Variants in GPHN observed in about 807,000 individuals in gnomAD.
GPHN encodes gephyrin.
GPHN carries 17 observed loss-of-function variants against 95.5 expected under a neutral mutation model. The ratio of observed to expected loss-of-function variants is 0.18; its 90% CI spans 0.12 to 0.27. GPHN has a LOEUF of 0.27. Among genes scored for constraint, GPHN ranks in the 10% least tolerant of loss-of-function variants. GPHN has a pLI of 1.00. For synonymous variants in GPHN, 320 were observed against 322.5 expected, an observed-to-expected ratio of 0.99 and a Z score of 0.08; for missense variants, 660 against 978.1, an observed-to-expected ratio of 0.67 and a Z score of 4.34.
the GPHN span, among the ~76,000 whole-genome samples, chr14:67,214,760 G>A: frequency 2.6e-5 from 4 of 152,070 alleles, no homozygotes; most frequent in Non-Finnish European, 4.4e-5. Context: ...CTTGGGCAGT[G>A]TGGCCATTTT....
the GPHN span, among the ~76,000 whole-genome samples, chr14:67,408,471 T>C: frequency 6.6e-6 from 1 of 152,046 alleles, no homozygotes; most frequent in African/African-American, 2.4e-5. Context: ...TATTTGAAAA[T>C]AGGGTCTTTG....
chr14:66,694,056 T>G (rs1472272624), intron 2 of GPHN, among the ~76,000 whole-genome samples: 3 of 152,132 alleles, frequency 2.0e-5, no homozygotes, highest in African/African-American at 7.2e-5. Context: ...TAAATATAGT[T>G]GCTGTGGTCT....
intron 1 of GPHN, among the ~76,000 whole-genome samples, chr14:66,663,403 A>G (rs768784696): frequency 1.3e-5 from 2 of 152,186 alleles, no homozygotes; most frequent in Non-Finnish European, 2.9e-5. Flanking sequence ...GAGAAATAAG[A>G]TACTTTCCAG....
At chr14:66,897,424 C>T (rs1246898764) in intron 5 of GPHN, among the ~76,000 whole-genome samples, 1 of 152,024 alleles carries the variant, frequency 6.6e-6, no homozygotes, top group Non-Finnish European at 1.5e-5. Flanking sequence ...TACTGCTCTC[C>T]ATAGTGGCTG....
chr14:67,011,027 C>T (rs1376865728), intron 9 of GPHN, among the ~76,000 whole-genome samples: 1 of 151,964 alleles, frequency 6.6e-6, no homozygotes, highest in African/African-American at 2.4e-5. Context: ...GTATTGAAAG[C>T]CTAATGTAAA....
chr14:67,012,233 G>A (rs2073055265), intron 9 of GPHN, among the ~76,000 whole-genome samples: 2 of 152,170 alleles, frequency 1.3e-5, no homozygotes, highest in South Asian at 4.1e-4. Flanking sequence ...AGATTTAACA[G>A]TCAGGAGAAT....
At chr14:67,547,834 AAGC>A in the GPHN span, among the ~76,000 whole-genome samples, 1 of 152,230 alleles carries the variant, frequency 6.6e-6, no homozygotes, top group East Asian at 1.9e-4. Context: ...TTTTTTAAAA[AAGC>A]AGAAACATCA....
chr14:67,066,871 G>A (rs1192419503), intron 11 of GPHN, among the ~76,000 whole-genome samples: 1 of 152,178 alleles, frequency 6.6e-6, no homozygotes, highest in East Asian at 1.9e-4. Context: ...TGATGGGTTA[G>A]AACATGCTCC....
the GPHN span, chr14:67,587,169 G>A: frequency 1.2e-6 from 2 of 1,613,920 alleles, no homozygotes; most frequent in East Asian, 2.2e-5. Flanking sequence ...GCCAGCTGTG[G>A]GAACTGGATG....
the GPHN span, chr14:67,619,922 T>G: frequency 1.6e-6 from 2 of 1,248,840 alleles, no homozygotes; most frequent in South Asian, 3.0e-5. Context: ...TGGCGCTCAC[T>G]CCCGGCTTCC....
At chr14:67,608,245 A>C in the GPHN span, among the ~76,000 whole-genome samples, 1 of 152,164 alleles carries the variant, frequency 6.6e-6, no homozygotes, top group Non-Finnish European at 1.5e-5. Flanking sequence ...CGAAAAAAAA[A>C]GAAAAAGAGA....
At chr14:67,489,728 C>T in the GPHN span, among the ~76,000 whole-genome samples, 85 of 152,322 alleles carry the variant, frequency 5.6e-4, no homozygotes, top group East Asian at 4.6e-3. Flanking sequence ...CGGTGGCTCA[C>T]GCCTGTAATC....
the GPHN span, among the ~76,000 whole-genome samples, chr14:67,687,199 T>C: frequency 6.6e-6 from 1 of 152,212 alleles, no homozygotes; most frequent in African/African-American, 2.4e-5. Context: ...CCTCTGCTGA[T>C]GAAATCAACT....
At chr14:67,054,245 A>C (rs1398066458) in intron 10 of GPHN, among the ~76,000 whole-genome samples, 1 of 152,228 alleles carries the variant, frequency 6.6e-6, no homozygotes, top group Non-Finnish European at 1.5e-5. Flanking sequence ...TAAGCTGATA[A>C]GCACCTTCAG....
intron 3 of GPHN, among the ~76,000 whole-genome samples, chr14:66,793,067 G>A (rs950479074): frequency 3.9e-5 from 6 of 152,230 alleles, no homozygotes; most frequent in Admixed American, 1.3e-4. Context: ...CCTCATTCCC[G>A]TAAACCCACA....
chr14:67,467,721 T>C, the GPHN span: 5 of 152,212 alleles, frequency 3.3e-5, no homozygotes, highest in African/African-American at 1.2e-4. Flanking sequence ...CAAAGGGGTA[T>C]TGGACTCACC....
chr14:66,759,706 A>G (rs1005573231), intron 2 of GPHN, among the ~76,000 whole-genome samples: 2 of 152,218 alleles, frequency 1.3e-5, no homozygotes, highest in Admixed American at 6.5e-5. Context: ...TAAGTGCAGC[A>G]TTTAGACTGT....
chr14:66,985,338 G>A (rs944820950), intron 9 of GPHN, among the ~76,000 whole-genome samples: 1 of 152,124 alleles, frequency 6.6e-6, no homozygotes, highest in Non-Finnish European at 1.5e-5. Context: ...CACTAAGAGA[G>A]AAAAGTACAT....
chr14:66,533,083 T>G (rs924714388), intron 1 of GPHN, among the ~76,000 whole-genome samples: 27 of 152,340 alleles, frequency 1.8e-4, no homozygotes, highest in African/African-American at 6.5e-4. Context: ...AGCCATCTAT[T>G]TGTTAACAAG....
Sources: gnomAD v4.1 joint callset for allele counts (sites outside exome capture counted in the v4.1 genomes callset) on GRCh38, gnomAD v4.1.1 for gene constraint, MANE v1.5 for transcripts, NCBI Gene and HGNC (gene_info 2026-07-23, HGNC 2026-07-21) for gene names.